The following NADK variants were observed in gnomAD, a reference collection of about 807,000 sequenced individuals.
NADK encodes the protein NAD kinase.
A neutral mutation model predicts 49.8 loss-of-function variants in NADK; 22 were observed. That is an observed-to-expected ratio of 0.44 (90% CI 0.32 to 0.63). The LOEUF (loss-of-function observed/expected upper bound fraction) is 0.63, where lower values mean the gene tolerates loss of function less well. Among genes scored for constraint, NADK ranks in the 30% least tolerant of loss-of-function variants. The pLI is 0.06. For missense variants in NADK, 438 were observed against 609.4 expected (o/e 0.72, Z 2.96); for synonymous variants, 268 against 253.7 (o/e 1.06, Z -0.54).
chr1:1,755,073 C>T (rs541311664), intron 7 of NADK, among the ~76,000 whole-genome samples: 2 of 152,342 alleles, frequency 1.3e-5, no homozygotes, highest in East Asian at 3.9e-4. Flanking sequence ...CCCGCCTCGA[C>T]CTCCCACAGT....
rs548082247 is a variant in NADK, at chr1:1,764,025, G to A, written c.179+1203C>T. On this transcript the variant is annotated intron_variant, in intron 2 of 11. Coordinates refer to ENST00000341426, the MANE Select transcript of NADK (RefSeq NM_023018.5). ...GGCAACGAGGCATCTGAGAAAGGCT[G>A]AGTGGTGACGTGGTGCCTGCGGGAT... 8.5e-5 allele frequency among the ~76,000 whole-genome samples: 13 copies of A among 152,342 alleles called. No homozygotes were observed. In the East Asian group the frequency reaches 2.3e-3, roughly 27 times the overall value.
intron 1 of NADK, among the ~76,000 whole-genome samples, chr1:1,771,143 T>C (rs1646041491): frequency 6.7e-6 from 1 of 149,080 alleles, no homozygotes; most frequent in Admixed American, 6.7e-5. Context: ...ATATATGATC[T>C]ATAATAGCAT....
intron 1 of NADK, among the ~76,000 whole-genome samples, chr1:1,766,078 G>A (rs568533035): frequency 2.8e-4 from 43 of 151,882 alleles, no homozygotes; most frequent in Non-Finnish European, 5.0e-4. Flanking sequence ...GACCACTCTG[G>A]GCAACAAAGA....
chr1:1,760,559 G>A lies in NADK; in HGVS notation c.263+1393C>T, dbSNP rs117271065. 2.1e-3 allele frequency among the ~76,000 whole-genome samples: 322 copies of A among 152,304 alleles called. 3 individuals carry two copies. In the East Asian group the frequency reaches 0.029, roughly 14 times the overall value. ...TGCAGTGGCCGCCCCCGTATCACAC[G>A]GCCGCATTGCGCTTTCTGGTCAACA... On this transcript the variant is annotated intron_variant, in intron 3 of 11. Transcript: ENST00000341426.
intron 1 of NADK, among the ~76,000 whole-genome samples, chr1:1,772,314 C>T (rs988248642): frequency 6.6e-6 from 1 of 152,010 alleles, no homozygotes; most frequent in African/African-American, 2.4e-5. Context: ...AAGCATGCAC[C>T]ACCATGCCTG....
chr1:1,774,711 CACTT>C (rs1299004808), intron 1 of NADK, among the ~76,000 whole-genome samples: 3 of 152,198 alleles, frequency 2.0e-5, no homozygotes, highest in African/African-American at 7.2e-5. Flanking sequence ...TCAGGACTGA[CACTT>C]AATTCATTTG....
chr1:1,759,772 G>A (rs775135224), intron 3 of NADK: 15 of 1,556,788 alleles, frequency 9.6e-6, no homozygotes, highest in East Asian at 4.8e-5. Flanking sequence ...CGGGCAGCTC[G>A]GGGACCACTG....
At chr1:1,770,489 G>A (rs1016516054) in intron 1 of NADK, among the ~76,000 whole-genome samples, 6 of 152,136 alleles carry the variant, frequency 3.9e-5, no homozygotes, top group Non-Finnish European at 8.8e-5. Context: ...CACAAAAATC[G>A]CCTGTATTTC....
intron 3 of NADK, among the ~76,000 whole-genome samples, chr1:1,761,144 C>A (rs1645711222): frequency 6.6e-6 from 1 of 152,220 alleles, no homozygotes; most frequent in Non-Finnish European, 1.5e-5. Context: ...AGGCACGCGC[C>A]ACCATGCTTG....
chr1:1,777,616 G>A (rs988318099), intron 1 of NADK, among the ~76,000 whole-genome samples: 4 of 141,046 alleles, frequency 2.8e-5, no homozygotes, highest in African/African-American at 5.1e-5. Flanking sequence ...GGGGAGGAGG[G>A]ATGGGAGGGT....
intron 1 of NADK, among the ~76,000 whole-genome samples, chr1:1,777,889 C>T (rs1570599551): frequency 6.6e-6 from 1 of 152,206 alleles, no homozygotes; most frequent in Admixed American, 6.5e-5. Context: ...TCATACTTTC[C>T]CACTAGGTTT....
chr1:1,774,972 G>A (rs957050869), intron 1 of NADK, among the ~76,000 whole-genome samples: 2 of 152,028 alleles, frequency 1.3e-5, no homozygotes, highest in Admixed American at 6.6e-5. Flanking sequence ...AGCTGGGCGC[G>A]GTGGCAGGCG....
Position 1,762,186 on chromosome 1 carries a change from G to A in NADK, c.180-151C>T, listed in dbSNP as rs559128318. The A allele has an allele frequency of 6.7e-5, 47 of 696,812 alleles. No homozygotes were observed. The African/African-American group carries it at 7.0e-4, about 10-fold the overall frequency. The allele number at this position is 696,812 out of a possible 1,614,324, so 43.2% of individuals were successfully genotyped here. A position where few individuals can be genotyped will look rare whatever the true frequency, so the allele number is the denominator to read the frequency against. On this transcript the variant is annotated intron_variant, in intron 2 of 11. Coordinates refer to ENST00000341426, the MANE Select transcript of NADK (RefSeq NM_023018.5). ...CCCAGCAGCCACACAATAGCCCTTG[G>A]AAGGTTCTGCCCAGGTCCATGGCTG...
At chr1:1,776,602 G>A (rs753404415) in intron 1 of NADK, among the ~76,000 whole-genome samples, 92 of 151,774 alleles carry the variant, frequency 6.1e-4, no homozygotes, top group African/African-American at 1.3e-3. Flanking sequence ...AGTGAAACCC[G>A]TCTCTACTAA....
Position 1,754,227 on chromosome 1 carries a change from G to C in NADK, c.944-19C>G. ...ATCACTCCTGACAGGGACAGGCGCA[G>C]GCGTCACTCCCGCCCGAGGGACGCT... On this transcript the variant is annotated intron_variant, in intron 9 of 11. Transcript: ENST00000341426. This position sits in a 1 kb window ranked among gnomAD's most constrained non-coding sequence, Gnocchi z 4.3. 1 of 1,613,044 alleles carries C rather than the reference G, an allele frequency of 6.2e-7. No homozygotes were observed. The highest frequency in any genetic ancestry group is 1.1e-5 in the South Asian group (1 of 91,064).
chr1:1,759,052 G>A lies in NADK; in HGVS notation c.264-1742C>T, dbSNP rs183382805. On this transcript the variant is annotated intron_variant, in intron 3 of 11. Coordinates refer to ENST00000341426, the MANE Select transcript of NADK (RefSeq NM_023018.5). Reference sequence around the variant, plus strand: ...GGCCTGGTCAGCCAGCAAAGCCCCCGCCCTGCACACGGCTCCCCCTGCTCT... The same window carrying A: ...GGCCTGGTCAGCCAGCAAAGCCCCCACCCTGCACACGGCTCCCCCTGCTCT... 8.9e-5 allele frequency: 132 copies of A among 1,478,566 alleles called. No individual in the cohort carries two copies. The African/African-American group carries it at 1.6e-3, about 18-fold the overall frequency. 91.6% of individuals were successfully genotyped at this position (1,478,566 alleles called of 1,614,324 possible). A position where few individuals can be genotyped will look rare whatever the true frequency, so the allele number is the denominator to read the frequency against.
chr1:1,756,628 C>G lies in NADK; in HGVS notation c.394-20G>C. ...GTTCTCCTGGAAGCAAAGTGCCAAC[C>G]TGCTCATTCCACCTGCAGACCCCAC... On this transcript the variant is annotated intron_variant, in intron 4 of 11. Coordinates refer to ENST00000341426, the MANE Select transcript of NADK (RefSeq NM_023018.5). 6.2e-7 allele frequency: 1 copy of G among 1,613,972 alleles called. No homozygotes were observed. Among genetic ancestry groups the G allele is most frequent in the South Asian group, 1.1e-5 (1 of 91,080 alleles).
chr1:1,757,562 C>G (rs891479105), intron 3 of NADK, among the ~76,000 whole-genome samples: 3 of 152,002 alleles, frequency 2.0e-5, no homozygotes, highest in Non-Finnish European at 1.5e-5. Flanking sequence ...ACAACCCCCA[C>G]CCGGGCACCA....
Position 1,752,724 on chromosome 1 carries a change from G to C in NADK, c.*180C>G, listed in dbSNP as rs1645363788. The C allele has an allele frequency of 2.9e-6, 2 of 694,804 alleles. No homozygotes were observed. The highest frequency in any genetic ancestry group is 4.8e-5 in the South Asian group (2 of 41,684). 43.0% of individuals were successfully genotyped at this position (694,804 alleles called of 1,614,324 possible). On this transcript the variant is annotated 3_prime_UTR_variant, in exon 12 of 12. Coordinates refer to ENST00000341426, the MANE Select transcript of NADK (RefSeq NM_023018.5). ...ACGCTTCTTTAGAAATGCAAAAAAA[G>C]TCAGACATTTTAAAAAAACAGCTGA... is the stretch of plus-strand genomic sequence containing the variant.
Sources: gnomAD v4.1 joint callset for allele counts (sites outside exome capture counted in the v4.1 genomes callset) on GRCh38, gnomAD v4.1.1 for gene constraint, Gnocchi (gnomAD v3.1) non-coding constraint, MANE v1.5 for transcripts, NCBI Gene and HGNC (gene_info 2026-07-23, HGNC 2026-07-21) for gene names.